ITGB5: variants seen among roughly 807,000 people sequenced by gnomAD.
ITGB5 encodes the protein integrin beta-5.
Under a neutral mutation model 84.8 loss-of-function variants are expected in ITGB5, and 38 were observed. That is an observed-to-expected ratio of 0.45 (90% CI 0.35 to 0.59). ITGB5 has a LOEUF of 0.59. Ranked by LOEUF, ITGB5 falls within the 20% of genes least tolerant of loss-of-function variation. The pLI is 0.01. For missense variants in ITGB5, 905 were observed against 1,034.5 expected (o/e 0.87, Z 1.72); for synonymous variants, 393 against 414.4 (o/e 0.95, Z 0.63).
At chr3:124,887,872 G>A (rs181203090), upstream of ITGB5, 260 of 267,780 alleles carry the variant, frequency 9.7e-4, 1 homozygote, top group African/African-American at 5.4e-3. Context: ...AAGGGAGGGC[G>A]TGGTGGGGCG....
At chr3:124,769,147 A>AT in intron 11 of ITGB5, 34 bp from the exon 12 acceptor site, 1 of 1,574,256 alleles carries the variant, frequency 6.4e-7, no homozygotes, top group Non-Finnish European at 8.7e-7. Context: ...TGGGTGTCAG[A>AT]TAATGTAGAA....
chr3:124,848,122 C>T (rs2107603080), intron 4 of ITGB5, among the ~76,000 whole-genome samples, 187 bp downstream of exon 4: 1 of 152,302 alleles, frequency 6.6e-6, no homozygotes, highest in South Asian at 2.1e-4. Flanking sequence ...AACCTTGTGA[C>T]AGTTCACTCA....
chr3:124,811,590 ATCT>A (rs2064502952), intron 8 of ITGB5, among the ~76,000 whole-genome samples: 1 of 152,126 alleles, frequency 6.6e-6, no homozygotes, highest in Non-Finnish European at 1.5e-5. Flanking sequence ...CCAAGGGAGG[ATCT>A]GGGAAAAAGC....
At chr3:124,834,461 AAG>A (rs1158767277) in intron 5 of ITGB5, among the ~76,000 whole-genome samples, 27 of 143,646 alleles carry the variant, frequency 1.9e-4, no homozygotes, top group African/African-American at 5.4e-4. Flanking sequence ...GAAGGAAGGA[AAG>A]AGAGAGAGAA....
chr3:124,884,213 A>C (rs1934701862), intron 1 of ITGB5, among the ~76,000 whole-genome samples: 1 of 43,966 alleles, frequency 2.3e-5, no homozygotes, highest in African/African-American at 1.2e-4. Context: ...AAGGGAAGCA[A>C]AAAAAAAAAA....
chr3:124,877,707 C>T (rs1382721670), intron 1 of ITGB5, among the ~76,000 whole-genome samples: 2 of 152,092 alleles, frequency 1.3e-5, no homozygotes, highest in East Asian at 3.9e-4. Context: ...GGGATACCTG[C>T]CTGGTGGTCC....
At chr3:124,875,077 T>C (rs1056246505) in intron 1 of ITGB5, among the ~76,000 whole-genome samples, 1 of 152,194 alleles carries the variant, frequency 6.6e-6, no homozygotes, top group Non-Finnish European at 1.5e-5. Flanking sequence ...CAACCTACTA[T>C]ATGCGAGAGA....
intron 5 of ITGB5, among the ~76,000 whole-genome samples, chr3:124,831,100 TC>T (rs1424870192): frequency 2.0e-5 from 3 of 152,156 alleles, no homozygotes; most frequent in Non-Finnish European, 2.9e-5. Flanking sequence ...AAGGGTCTAT[TC>T]CCTCTTTTAT....
At chr3:124,850,179 C>G (rs1559967937) in intron 3 of ITGB5, among the ~76,000 whole-genome samples, 1 of 151,912 alleles carries the variant, frequency 6.6e-6, no homozygotes, top group African/African-American at 2.4e-5. Flanking sequence ...CCCACCGTGA[C>G]AACAAGGCAT....
intron 10 of ITGB5, among the ~76,000 whole-genome samples, chr3:124,782,121 C>T (rs527304511): frequency 1.1e-4 from 17 of 152,208 alleles, no homozygotes; most frequent in African/African-American, 3.9e-4. Flanking sequence ...TTACAATAGG[C>T]GAGGCATGGT....
chr3:124,771,002 T>TAAACC (rs2063835210), intron 11 of ITGB5, among the ~76,000 whole-genome samples: 1 of 152,294 alleles, frequency 6.6e-6, no homozygotes, highest in East Asian at 1.9e-4. Context: ...TCTCTGTTGT[T>TAAACC]AAACCATAGC....
At chr3:124,865,019 A>G (rs187672988) in intron 2 of ITGB5, among the ~76,000 whole-genome samples, 1 of 152,316 alleles carries the variant, frequency 6.6e-6, no homozygotes, top group East Asian at 1.9e-4. Context: ...TGCTCTTTGC[A>G]GCATGTGCCG....
chr3:124,899,153 G>A (rs1434238581), intron 1 of ITGB5, among the ~76,000 whole-genome samples: 4 of 152,078 alleles, frequency 2.6e-5, no homozygotes, highest in Admixed American at 2.6e-4. Context: ...ACTCAGGGCT[G>A]GCTAAGAGAT....
chr3:124,888,257 A>C (rs1170774447), upstream of ITGB5, among the ~76,000 whole-genome samples: 1 of 152,116 alleles, frequency 6.6e-6, no homozygotes, highest in African/African-American at 2.4e-5. Context: ...CAAGGATTTG[A>C]GACTGGCCAA....
At chr3:124,802,914 C>T (rs1290596474) in intron 9 of ITGB5, among the ~76,000 whole-genome samples, 1 of 151,846 alleles carries the variant, frequency 6.6e-6, no homozygotes, top group Non-Finnish European at 1.5e-5. Flanking sequence ...GACAGCAAGA[C>T]AACAACACTG....
At chr3:124,771,108 T>G (rs1469788298) in intron 11 of ITGB5, among the ~76,000 whole-genome samples, 1 of 152,168 alleles carries the variant, frequency 6.6e-6, no homozygotes, top group African/African-American at 2.4e-5. Flanking sequence ...TGTAATATAT[T>G]GTAGTCATGT....
chr3:124,861,708 C>T (rs910825059), intron 2 of ITGB5, among the ~76,000 whole-genome samples: 5 of 151,960 alleles, frequency 3.3e-5, no homozygotes, highest in Admixed American at 2.6e-4. Flanking sequence ...ATTACAGCCA[C>T]GCACCACCAT....
At chr3:124,794,991 C>T (rs945190149) in intron 10 of ITGB5, among the ~76,000 whole-genome samples, 8 of 152,094 alleles carry the variant, frequency 5.3e-5, no homozygotes, top group Non-Finnish European at 1.0e-4. Flanking sequence ...TGACAAGTAA[C>T]GCACTTGATT....
intron 10 of ITGB5, among the ~76,000 whole-genome samples, chr3:124,793,568 G>A (rs1385113668): frequency 6.6e-6 from 1 of 152,196 alleles, no homozygotes; most frequent in African/African-American, 2.4e-5. Flanking sequence ...CCAGCATTGG[G>A]TGTGTTTTCC....
Sources: allele counts gnomAD v4.1 joint callset (sites outside exome capture counted in the v4.1 genomes callset), GRCh38; gene constraint gnomAD v4.1.1; transcripts MANE v1.5; gene names NCBI Gene and HGNC (gene_info 2026-07-23, HGNC 2026-07-21).